ANK2: variants seen among roughly 807,000 people sequenced by gnomAD.
ANK2 encodes the protein ankyrin 2, also known as ankyrin-2.
ANK2 carries 83 observed loss-of-function variants against 360.5 expected under a neutral mutation model. The ratio of observed to expected loss-of-function variants is 0.23; its 90% CI spans 0.19 to 0.28. The LOEUF (loss-of-function observed/expected upper bound fraction) is 0.28. ANK2 is among the 10% of genes least tolerant of loss of function. The probability of loss-of-function intolerance (pLI) is 1.00; values close to 1 mark genes in which losing one functional copy is unlikely to be tolerated. For missense variants in ANK2, 4,201 were observed against 4,795.7 expected, an observed-to-expected ratio of 0.88 and a Z score of 3.66; for synonymous variants, 1,740 against 1,759.5, an observed-to-expected ratio of 0.99 and a Z score of 0.28.
chr4:112,832,558 T>C (rs1283385144), intron 1 of ANK2, among the ~76,000 whole-genome samples: 3 of 152,224 alleles, frequency 2.0e-5, no homozygotes, highest in Non-Finnish European at 4.4e-5. Flanking sequence ...GCCATTCAAA[T>C]TGTAAAGTTA....
intron 10 of ANK2, among the ~76,000 whole-genome samples, chr4:113,253,088 A>G (rs1389442525): frequency 6.6e-6 from 1 of 152,166 alleles, no homozygotes; most frequent in Non-Finnish European, 1.5e-5. Flanking sequence ...ATCTATCCAT[A>G]TCTATCCAGT....
chr4:113,234,546 A>C (rs1216932488), intron 5 of ANK2, among the ~76,000 whole-genome samples: 2 of 152,206 alleles, frequency 1.3e-5, no homozygotes, highest in African/African-American at 4.8e-5. Flanking sequence ...TCTGTAAAAA[A>C]AAAATAATGT....
chr4:113,081,098 A>G (rs1427343662), intron 1 of ANK2, among the ~76,000 whole-genome samples: 1 of 152,200 alleles, frequency 6.6e-6, no homozygotes, highest in African/African-American at 2.4e-5. Flanking sequence ...GAAATCGATC[A>G]TTTTGTATAT....
Position 113,333,047 on chromosome 4 carries a change from A to C in ANK2, c.3225-7A>C, listed in dbSNP as rs1370610821. The C allele has an allele frequency of 1.2e-6, 2 of 1,614,052 alleles. No homozygotes were observed. The highest frequency in any genetic ancestry group is 1.3e-5 in the African/African-American group (1 of 74,920). ...TCCACACTGAATGTTCTGCATTGCTATGTCAGGCCTGTGATCGTGGAGATC... is the reference window on the plus strand; with the variant it reads ...TCCACACTGAATGTTCTGCATTGCTCTGTCAGGCCTGTGATCGTGGAGATC... On this transcript the variant is annotated splice_region_variant and splice_polypyrimidine_tract_variant and intron_variant, in intron 28 of 45. Transcript: ENST00000357077.
chr4:113,267,844 A>G lies in ANK2; in HGVS notation c.1485+2849A>G, dbSNP rs972851348. Reference sequence around the variant, plus strand: ...GAATCTATAAATTTCTTTGGGCAGTATGGCTATTTTCACAATATTAATTCT... The same window carrying G: ...GAATCTATAAATTTCTTTGGGCAGTGTGGCTATTTTCACAATATTAATTCT... On this transcript the variant is annotated intron_variant, in intron 14 of 45. Transcript: ENST00000357077. 3.9e-5 allele frequency among the ~76,000 whole-genome samples: 6 copies of G among 152,296 alleles called. 1 individual carries two copies. Among genetic ancestry groups the G allele is most frequent in the Admixed American group, 3.9e-4 (6 of 15,284 alleles).
intron 1 of ANK2, among the ~76,000 whole-genome samples, chr4:112,893,037 T>C (rs1001265423): frequency 2.6e-5 from 4 of 152,194 alleles, no homozygotes; most frequent in Non-Finnish European, 5.9e-5. Context: ...TAAAGTTGCT[T>C]TTATGTTCTC....
In ANK2 at chr4:113,125,353, G is replaced by A. The variant is rs28631937; in HGVS notation, c.85-49063G>A. ...TATAAAGATCAAATATGATTTTTGC[G>A]TTTGAAACAAAGTTTAGCCGATAAC... On this transcript the variant is annotated intron_variant, in intron 1 of 45. Transcript: ENST00000357077. 8.4e-3 allele frequency among the ~76,000 whole-genome samples: 1,282 copies of A among 151,980 alleles called. 22 individuals are homozygous for A. Among genetic ancestry groups the A allele is most frequent in the African/African-American group, 0.028 (1,179 of 41,478 alleles).
chr4:112,719,596 T>C, the ANK2 span, among the ~76,000 whole-genome samples: 13 of 151,464 alleles, frequency 8.6e-5, no homozygotes, highest in Admixed American at 2.0e-4. Context: ...GGCGTTGTGG[T>C]GGGCGCCTGT....
intron 25 of ANK2, 54 bp downstream of exon 25, chr4:113,317,863 A>G: frequency 7.0e-7 from 1 of 1,418,908 alleles, no homozygotes; most frequent in Non-Finnish European, 9.9e-7. Context: ...TTGTAACATT[A>G]TTGGATGCTA....
intron 2 of ANK2, among the ~76,000 whole-genome samples, chr4:112,985,442 C>T (rs1242066669): frequency 6.6e-6 from 1 of 152,196 alleles, no homozygotes; most frequent in African/African-American, 2.4e-5. Flanking sequence ...AGGGAAGTCT[C>T]TCTCATAGTA....
At chr4:112,868,776 T>C (rs1020594646) in intron 1 of ANK2, among the ~76,000 whole-genome samples, 1 of 152,206 alleles carries the variant, frequency 6.6e-6, no homozygotes, top group South Asian at 2.1e-4. Context: ...GATATGTATA[T>C]ATACATTGTA....
chr4:113,350,443 A>G, intron 37 of ANK2, 194 bp downstream of exon 37: 1 of 506,190 alleles, frequency 2.0e-6, no homozygotes, highest in Non-Finnish European at 3.5e-6. Context: ...TTGCGAGCTA[A>G]TTAGCAGTAA....
At chr4:112,964,820 C>T (rs190620744) in intron 2 of ANK2, among the ~76,000 whole-genome samples, 2 of 152,248 alleles carry the variant, frequency 1.3e-5, no homozygotes, top group Admixed American at 1.3e-4. Context: ...CTGCCTGCCT[C>T]AGCCTCCCAA....
At chr4:113,080,525 T>C (rs1190346844) in intron 1 of ANK2, among the ~76,000 whole-genome samples, 1 of 152,172 alleles carries the variant, frequency 6.6e-6, no homozygotes, top group Non-Finnish European at 1.5e-5. Context: ...TTAAATTGAT[T>C]GATGGGAAAA....
At chr4:112,786,844 G>A in the ANK2 span, among the ~76,000 whole-genome samples, 1 of 151,078 alleles carries the variant, frequency 6.6e-6, no homozygotes, top group Admixed American at 6.6e-5. Context: ...CACCTCCCAG[G>A]TTCATGTGAT....
chr4:112,843,550 A>G (rs2149830534), intron 1 of ANK2, among the ~76,000 whole-genome samples: 1 of 152,298 alleles, frequency 6.6e-6, no homozygotes, highest in African/African-American at 2.4e-5. Context: ...TTCATCTTTA[A>G]TACACATTAG....
chr4:113,148,331 G>C (rs2096910941), intron 1 of ANK2, among the ~76,000 whole-genome samples: 1 of 151,986 alleles, frequency 6.6e-6, no homozygotes, highest in South Asian at 2.1e-4. Context: ...AATTTGCTTT[G>C]TCCCAAGAGC....
At chr4:113,069,734 A>G (rs1205424024) in intron 1 of ANK2, among the ~76,000 whole-genome samples, 1 of 152,266 alleles carries the variant, frequency 6.6e-6, no homozygotes, top group South Asian at 2.1e-4. Flanking sequence ...GATCCTAACT[A>G]TCCAGTGATA....
chr4:112,852,214 T>C (rs1427924256), intron 1 of ANK2, among the ~76,000 whole-genome samples: 2 of 152,242 alleles, frequency 1.3e-5, no homozygotes, highest in African/African-American at 2.4e-5. Context: ...GAACACACCA[T>C]GCTCATTCCT....
Sources: gnomAD v4.1 joint callset for allele counts (sites outside exome capture counted in the v4.1 genomes callset) on GRCh38, gnomAD v4.1.1 for gene constraint, MANE v1.5 for transcripts, NCBI Gene and HGNC (gene_info 2026-07-23, HGNC 2026-07-21) for gene names.